Variants in RNF216 observed in about 807,000 individuals in gnomAD.
RNF216 encodes ring finger protein 216, also known as E3 ubiquitin-protein ligase RNF216.
A neutral mutation model predicts 110.8 loss-of-function variants in RNF216; 72 were observed. The observed-to-expected ratio is 0.65, with a 90% CI of 0.54 to 0.79. RNF216 has a LOEUF of 0.79. RNF216 is among the 30% of genes least tolerant of loss of function. The pLI, the probability that RNF216 is intolerant of heterozygous loss-of-function variation, is 0.00. For synonymous variants in RNF216, 495 were observed against 407.5 expected (o/e 1.21, Z -2.59); for missense variants, 1,342 against 1,141.2 (o/e 1.18, Z -2.54).
Position 5,661,185 on chromosome 7 carries a change from C to T in RNF216, c.2062-8675G>A, listed in dbSNP as rs529888477. ...GAATTCCTGGCCTCAAGTGATCTGC[C>T]CACCTCGGCCTCCCAAAGTGCTGGG... On this transcript the variant is annotated intron_variant, in intron 13 of 16. Transcript: ENST00000389902. Among the ~76,000 whole-genome samples, 110 of 151,278 alleles carry T rather than the reference C, an allele frequency of 7.3e-4. 3 individuals carry two copies. The South Asian group carries it at 0.015, about 20-fold the overall frequency.
chr7:5,682,604 A>T (rs1405282920), intron 13 of RNF216, among the ~76,000 whole-genome samples: 3 of 152,006 alleles, frequency 2.0e-5, no homozygotes, highest in Non-Finnish European at 4.4e-5. Context: ...ACAGGGTTTC[A>T]ACATTTTGGC....
intron 14 of RNF216, among the ~76,000 whole-genome samples, chr7:5,650,779 A>T (rs925704220): frequency 1.3e-5 from 2 of 152,214 alleles, no homozygotes; most frequent in African/African-American, 4.8e-5. Context: ...GATAATCCAG[A>T]TAACCTCCCC....
intron 1 of RNF216, among the ~76,000 whole-genome samples, chr7:5,766,464 G>A (rs1231600650): frequency 1.3e-5 from 2 of 151,780 alleles, no homozygotes; most frequent in African/African-American, 4.8e-5. Flanking sequence ...AGTCATGGAG[G>A]TTGGGCCCTC....
intron 12 of RNF216, chr7:5,712,044 C>A: frequency 1.8e-6 from 1 of 566,280 alleles, no homozygotes; most frequent in South Asian, 2.3e-5. Flanking sequence ...ACATGAGGTC[C>A]TGACTGAATA....
At chr7:5,747,760 AAAAAAAAAAAAAAAAG>A (rs796823871) in intron 3 of RNF216, among the ~76,000 whole-genome samples, 8,686 of 140,842 alleles carry the variant, frequency 0.062, 1,164 homozygotes, top group African/African-American at 0.23. Flanking sequence ...AAAAAAAAAA[AAAAAAAAAAAAAAAAG>A]GGGAAAAAAA....
At chr7:5,630,418 C>T (rs1274398328) in intron 15 of RNF216, among the ~76,000 whole-genome samples, 1 of 152,084 alleles carries the variant, frequency 6.6e-6, no homozygotes, top group Non-Finnish European at 1.5e-5. Flanking sequence ...TCTTGCTCAG[C>T]CCAGGGTGGA....
chr7:5,645,950 T>C (rs1002933294), intron 14 of RNF216, among the ~76,000 whole-genome samples: 5 of 152,188 alleles, frequency 3.3e-5, no homozygotes, highest in Non-Finnish European at 4.4e-5. Flanking sequence ...TGGTTTCCTT[T>C]AGTTCTTTGC....
At chr7:5,776,400 G>A (rs1023519177) in intron 1 of RNF216, among the ~76,000 whole-genome samples, 9 of 150,498 alleles carry the variant, frequency 6.0e-5, no homozygotes, top group African/African-American at 2.0e-4. Flanking sequence ...TGGCTAACAC[G>A]GTGAAACCCC....
At chr7:5,781,224 T>G (rs1303902479) in intron 1 of RNF216, among the ~76,000 whole-genome samples, 1 of 151,820 alleles carries the variant, frequency 6.6e-6, no homozygotes, top group Admixed American at 6.6e-5. Flanking sequence ...GGAAGCGCGG[T>G]CTCCCGGGCT....
At chr7:5,732,018 T>G (rs1794121677) in intron 5 of RNF216, among the ~76,000 whole-genome samples, 1 of 152,036 alleles carries the variant, frequency 6.6e-6, no homozygotes, top group African/African-American at 2.4e-5. Flanking sequence ...TCCCATATAC[T>G]CTTCATCTCT....
chr7:5,622,872 C>G lies in RNF216; in HGVS notation c.2760G>C (p.Arg920=). The G allele has an allele frequency of 6.2e-7, 1 of 1,600,982 alleles. No individual in the cohort carries two copies. Among genetic ancestry groups the G allele is most frequent in the South Asian group, 1.1e-5 (1 of 90,310 alleles). The change falls in exon 17 of 17, where the codon CGG becomes CGC. Residue 920 remains arginine, a synonymous_variant. Transcript: ENST00000389902. ...GGATTCGGGGCCATCAGAAGCGATGCCGCGGCTGGGGGCCAAAGTGCATGG... is the reference window on the plus strand; with the variant it reads ...GGATTCGGGGCCATCAGAAGCGATGGCGCGGCTGGGGGCCAAAGTGCATGG... ...NLPMHFGPQP[R]HRF
chr7:5,729,256 T>A (rs1157346309), intron 7 of RNF216, among the ~76,000 whole-genome samples, 176 bp downstream of exon 7: 2 of 152,222 alleles, frequency 1.3e-5, no homozygotes, highest in African/African-American at 4.8e-5. Flanking sequence ...CTATCTATTA[T>A]TTCTTTTCAT....
chr7:5,662,283 C>T (rs1032531793), intron 13 of RNF216: 1 of 152,148 alleles, frequency 6.6e-6, no homozygotes, highest in Admixed American at 6.5e-5. Context: ...TTCCTGCCAC[C>T]TTTGGGCAGT....
intron 7 of RNF216, 34 bp downstream of exon 7, chr7:5,729,398 G>C: frequency 6.2e-7 from 1 of 1,606,598 alleles, no homozygotes; most frequent in Non-Finnish European, 8.5e-7. Flanking sequence ...GTAGTCAAGA[G>C]GTGTGACCCC....
intron 8 of RNF216, among the ~76,000 whole-genome samples, chr7:5,723,153 T>C (rs769460880): frequency 2.0e-5 from 3 of 152,134 alleles, no homozygotes; most frequent in African/African-American, 7.2e-5. Flanking sequence ...ATAAGGCTAT[T>C]TGAAACATAA....
At chr7:5,733,344 TA>T (rs1434591043) in intron 5 of RNF216, among the ~76,000 whole-genome samples, 15 of 152,166 alleles carry the variant, frequency 9.9e-5, no homozygotes, top group African/African-American at 3.6e-4. Context: ...AGCAAGTCCC[TA>T]AAAATAAGTA....
intron 15 of RNF216, among the ~76,000 whole-genome samples, chr7:5,628,100 C>G (rs976958524): frequency 4.6e-5 from 7 of 152,170 alleles, no homozygotes; most frequent in Non-Finnish European, 1.0e-4. Flanking sequence ...GAGGGAGCCT[C>G]AGAGTCCCAA....
At chr7:5,678,561 G>A (rs1476334118) in intron 13 of RNF216, among the ~76,000 whole-genome samples, 1 of 152,208 alleles carries the variant, frequency 6.6e-6, no homozygotes, top group Admixed American at 6.5e-5. Flanking sequence ...GACCTCAGGT[G>A]AGTGACCTCA....
intron 10 of RNF216, among the ~76,000 whole-genome samples, chr7:5,716,124 T>A (rs1793047848): frequency 6.6e-6 from 1 of 152,144 alleles, no homozygotes; most frequent in Non-Finnish European, 1.5e-5. Context: ...ACTCCTGGGC[T>A]CAAGCAATCC....
Sources: gnomAD v4.1 joint callset for allele counts (sites outside exome capture counted in the v4.1 genomes callset) on GRCh38, gnomAD v4.1.1 for gene constraint, MANE v1.5 for transcripts, NCBI Gene and HGNC (gene_info 2026-07-23, HGNC 2026-07-21) for gene names.